Variants in MPV17 observed in about 807,000 individuals in gnomAD.
MPV17 encodes MPV17, mitochondrial inner membrane protein.
Under a neutral mutation model 28.6 loss-of-function variants are expected in MPV17, and 31 were observed. The observed-to-expected ratio is 1.08, with a 90% CI of 0.81 to 1.46. MPV17 has a LOEUF of 1.46. Among genes scored for constraint, MPV17 ranks in the 40% most tolerant of loss-of-function variants. The probability of loss-of-function intolerance (pLI) is 0.00; values close to 1 mark genes in which losing one functional copy is unlikely to be tolerated. For synonymous variants in MPV17, 87 were observed against 85.3 expected, an observed-to-expected ratio of 1.02 and a Z score of -0.11; for missense variants, 198 against 216.2, an observed-to-expected ratio of 0.92 and a Z score of 0.53.
intron 2 of MPV17, chr2:27,316,810 G>A: frequency 2.4e-6 from 1 of 413,760 alleles, no homozygotes; most frequent in Non-Finnish European, 4.4e-6. Flanking sequence ...AGGGGCTGCT[G>A]GGCAGTGATG....
intron 2 of MPV17, among the ~76,000 whole-genome samples, chr2:27,321,475 C>G (rs1679855874): frequency 6.6e-6 from 1 of 152,224 alleles, no homozygotes; most frequent in African/African-American, 2.4e-5. Flanking sequence ...AGCCCCCAAT[C>G]CCTTCCAATA....
chr2:27,316,162 G>A lies in MPV17; in HGVS notation c.71-3053C>T, dbSNP rs140901794. 3.1e-4 allele frequency: 484 copies of A among 1,551,134 alleles called. No individual in the cohort carries two copies. In the East Asian group the frequency reaches 0.011, roughly 34 times the overall value. On this transcript the variant is annotated intron_variant, in intron 2 of 7. Coordinates refer to ENST00000380044, the MANE Select transcript of MPV17 (RefSeq NM_002437.5). ...CCATCATTCTGCTCCTTGTCACCTCGTGGGGATGGCAGACAGCAATATTCC... is the reference window on the plus strand; with the variant it reads ...CCATCATTCTGCTCCTTGTCACCTCATGGGGATGGCAGACAGCAATATTCC...
Position 27,314,342 on chromosome 2 carries a change from TAAAAC to T in MPV17, c.71-1238_71-1234del, listed in dbSNP as rs150029344. 2.6e-3 allele frequency among the ~76,000 whole-genome samples: 395 copies of T among 151,936 alleles called. 2 individuals carry two copies. Among genetic ancestry groups the T allele is most frequent in the African/African-American group, 8.7e-3 (362 of 41,424 alleles). Reference sequence around the variant, plus strand: ...TATCTCAAAAAGAAAAAAAAAGTAATAAAACAAGAGTGCTCAAATGGTCATAAGCA... The same window carrying T: ...TATCTCAAAAAGAAAAAAAAAGTAATAAGAGTGCTCAAATGGTCATAAGCA... On this transcript the variant is annotated intron_variant, in intron 2 of 7. Transcript: ENST00000380044.
intron 2 of MPV17, among the ~76,000 whole-genome samples, chr2:27,319,576 C>G (rs1404525687): frequency 1.3e-5 from 2 of 149,718 alleles, no homozygotes; most frequent in Non-Finnish European, 3.0e-5. Flanking sequence ...GCCTGTGTTG[C>G]CAACACTCAT....
chr2:27,315,906 G>C, intron 2 of MPV17: 3 of 1,431,666 alleles, frequency 2.1e-6, no homozygotes, highest in Non-Finnish European at 2.7e-6. Context: ...GAGATGACTT[G>C]GTAAGGAGTG....
intron 2 of MPV17, chr2:27,316,082 CA>C: frequency 1.3e-6 from 2 of 1,550,752 alleles, no homozygotes; most frequent in South Asian, 2.4e-5. Flanking sequence ...GCCTGCATAT[CA>C]AAGGACATTC....
chr2:27,311,566 A>G, intron 7 of MPV17: 2 of 1,549,410 alleles, frequency 1.3e-6, no homozygotes, highest in Non-Finnish European at 1.7e-6. Context: ...CTTCTGGTCT[A>G]CCTCTCTGTC....
chr2:27,309,714 A>T lies in MPV17; in HGVS notation c.*198T>A. The T allele has an allele frequency of 1.5e-6, 1 of 656,390 alleles. No homozygotes were observed. The highest frequency in any genetic ancestry group is 2.8e-6 in the Non-Finnish European group (1 of 354,698). The allele number at this position is 656,390 out of a possible 1,614,324, so 40.7% of individuals were successfully genotyped here. On this transcript the variant is annotated 3_prime_UTR_variant, in exon 8 of 8. Transcript: ENST00000380044. ...GGAGTGCCTAGTATGTGGTGGGAATAAGACTATTATCAAGGGCTCTAAAGC... is the reference window on the plus strand; with the variant it reads ...GGAGTGCCTAGTATGTGGTGGGAATTAGACTATTATCAAGGGCTCTAAAGC...
chr2:27,318,772 CTTT>C lies in MPV17; in HGVS notation c.70+3673_70+3675del, dbSNP rs540241473. Reference sequence around the variant, plus strand: ...AAGAGTATTTCTTTTCTTTTCTTTTCTTTTTTTTTGGAGATGGAGTCTCGCTCT... The same window carrying C: ...AAGAGTATTTCTTTTCTTTTCTTTTCTTTTTTGGAGATGGAGTCTCGCTCT... On this transcript the variant is annotated intron_variant, in intron 2 of 7. Coordinates refer to ENST00000380044, the MANE Select transcript of MPV17 (RefSeq NM_002437.5). Among the ~76,000 whole-genome samples the C allele has an allele frequency of 1.4e-3, 218 of 150,848 alleles. 3 individuals carry two copies. The highest frequency in any genetic ancestry group is 5.1e-3 in the African/African-American group (208 of 41,160).
intron 2 of MPV17, among the ~76,000 whole-genome samples, chr2:27,320,033 C>T (rs1282531287): frequency 3.3e-5 from 5 of 149,540 alleles, no homozygotes; most frequent in African/African-American, 4.9e-5. Context: ...GTCAAGTGTC[C>T]GAGACCAGCC....
chr2:27,318,436 C>T (rs962374689), intron 2 of MPV17, among the ~76,000 whole-genome samples: 2 of 151,892 alleles, frequency 1.3e-5, no homozygotes, highest in Admixed American at 1.3e-4. Flanking sequence ...TGGTTCATTG[C>T]AACCTCTACT....
rs1303045721 is a variant in MPV17 at position 27,317,199 on chromosome 2, C to A, written c.71-4090G>T. ...CTGGGTCGGCAGGTATAGCTACTGG[C>A]ATGGGGCCAGCAGTGCTGCCTTCCT... On this transcript the variant is annotated intron_variant, in intron 2 of 7. Coordinates refer to ENST00000380044, the MANE Select transcript of MPV17 (RefSeq NM_002437.5). This position sits in a 1 kb window ranked among gnomAD's most constrained non-coding sequence, Gnocchi z 4.0. 2 of 1,550,122 alleles carry A rather than the reference C, an allele frequency of 1.3e-6. No individual in the cohort carries two copies. Among genetic ancestry groups the A allele is most frequent in the African/African-American group, 2.7e-5 (2 of 73,004 alleles).
chr2:27,321,445 G>T (rs1679854616), intron 2 of MPV17, among the ~76,000 whole-genome samples: 1 of 152,210 alleles, frequency 6.6e-6, no homozygotes, highest in Non-Finnish European at 1.5e-5. Flanking sequence ...CAGGATCCCT[G>T]TTCCACTCTG....
intron 2 of MPV17, among the ~76,000 whole-genome samples, chr2:27,314,257 G>C (rs1387645367): frequency 6.6e-6 from 1 of 152,132 alleles, no homozygotes; most frequent in Non-Finnish European, 1.5e-5. Context: ...TTGAGCCCAG[G>C]AGGTCCAGGC....
intron 7 of MPV17, chr2:27,311,611 C>T: frequency 6.4e-7 from 1 of 1,550,572 alleles, no homozygotes; most frequent in Non-Finnish European, 8.7e-7. Context: ...CACTGTCCCT[C>T]CAGATATGCC....
chr2:27,312,439 C>A (rs1679483629), intron 5 of MPV17, 55 bp downstream of exon 5: 1 of 1,578,550 alleles, frequency 6.3e-7, no homozygotes, highest in Non-Finnish European at 8.7e-7. Context: ...CTGTCTTCTT[C>A]CCCTGGGCTG....
rs969921367 is a variant in MPV17 at position 27,317,829 on chromosome 2, A to G, written c.70+4619T>C. ...TAGAACATACAGTAAACCTTTCCCCAGGCTACCTTGTTCTGGACTCTGGCT... is the reference window on the plus strand; with the variant it reads ...TAGAACATACAGTAAACCTTTCCCCGGGCTACCTTGTTCTGGACTCTGGCT... On this transcript the variant is annotated intron_variant, in intron 2 of 7. Transcript: ENST00000380044. This position sits in a 1 kb window ranked among gnomAD's most constrained non-coding sequence, Gnocchi z 4.0. Among the ~76,000 whole-genome samples the G allele has an allele frequency of 7.2e-5, 11 of 152,204 alleles. No homozygotes were observed.
At chr2:27,311,427 T>C (rs981160188) in intron 7 of MPV17, 2 of 696,256 alleles carry the variant, frequency 2.9e-6, no homozygotes, top group Non-Finnish European at 4.8e-6. Flanking sequence ...AAGCGTTCCA[T>C]ATTTTCCCCT....
At position 27,309,599 on chromosome 2, in the gene MPV17, A is replaced by G. The variant is rs1267786993; in HGVS notation, c.*313T>C. ...GAAGCCTAGGCAGGGTTAGAGTAAC[A>G]AATGTGTCTATGAAGAGTGGGGATG... On this transcript the variant is annotated 3_prime_UTR_variant, in exon 8 of 8. Coordinates refer to ENST00000380044, the MANE Select transcript of MPV17 (RefSeq NM_002437.5). The G allele has an allele frequency of 1.7e-6, 1 of 574,542 alleles. No individual in the cohort carries two copies. Among genetic ancestry groups the G allele is most frequent in the Non-Finnish European group, 3.1e-6 (1 of 321,660 alleles). The allele number at this position is 574,542 out of a possible 1,614,324, so 35.6% of individuals were successfully genotyped here.
Sources: gnomAD v4.1 joint callset for allele counts (sites outside exome capture counted in the v4.1 genomes callset) on GRCh38, gnomAD v4.1.1 for gene constraint, Gnocchi (gnomAD v3.1) non-coding constraint, MANE v1.5 for transcripts, NCBI Gene and HGNC (gene_info 2026-07-23, HGNC 2026-07-21) for gene names.